The following SCUBE2 variants were observed in gnomAD, a reference collection of about 807,000 sequenced individuals.
SCUBE2 encodes the protein signal peptide, CUB domain and EGF like domain containing 2.
SCUBE2 carries 114 observed loss-of-function variants against 125.9 expected under a neutral mutation model. The observed-to-expected ratio is 0.91, with a 90% confidence interval of 0.78 to 1.06. The LOEUF (loss-of-function observed/expected upper bound fraction) is 1.06. Among genes scored for constraint, SCUBE2 ranks in the 50% least tolerant of loss-of-function variants. The pLI is 0.00. For synonymous variants in SCUBE2, 459 were observed against 492.9 expected (o/e 0.93, Z 0.91); for missense variants, 1,255 against 1,301.8 (o/e 0.96, Z 0.55).
intron 9 of SCUBE2, among the ~76,000 whole-genome samples, chr11:9,058,510 C>T (rs552759372): frequency 2.1e-5 from 3 of 141,146 alleles, no homozygotes; most frequent in Non-Finnish European, 4.5e-5. Context: ...GCAGGAGAAT[C>T]GCTTGAACCT....
At chr11:9,054,723 A>T (rs11042164) in intron 10 of SCUBE2, among the ~76,000 whole-genome samples, 1,294 of 38,626 alleles carry the variant, frequency 0.034, 52 homozygotes, top group East Asian at 0.039. Context: ...ATATATATAT[A>T]TATTTTTTTT....
intron 13 of SCUBE2, among the ~76,000 whole-genome samples, chr11:9,051,023 C>T (rs1405526698): frequency 6.6e-6 from 1 of 152,124 alleles, no homozygotes; most frequent in Non-Finnish European, 1.5e-5. Context: ...ATTAGCCGGG[C>T]ATGGTGGCAC....
In SCUBE2 at chr11:9,020,993, G is replaced by GTCCCACCAACCCTA; in HGVS notation, c.*38_*51dup. 6.4e-7 allele frequency: 1 copy of GTCCCACCAACCCTA among 1,551,192 alleles called. No individual in the cohort carries two copies. Among genetic ancestry groups the GTCCCACCAACCCTA allele is most frequent in the Non-Finnish European group, 8.8e-7 (1 of 1,140,982 alleles). On this transcript the variant is annotated 3_prime_UTR_variant, in exon 23 of 23. Coordinates refer to ENST00000649792, the MANE Select transcript of SCUBE2 (RefSeq NM_001367977.2). ...TGACATGCAGAAGGAAGACAGCTCT[G>GTCCCACCAACCCTA]TCCCACCAACCCTATAGCAGAACAT...
chr11:9,057,479 A>G lies in SCUBE2; in HGVS notation c.1091-1570T>C, dbSNP rs1163289847. 5.9e-5 allele frequency: 9 copies of G among 152,190 alleles called. No individual in the cohort carries two copies. The South Asian group carries it at 1.9e-3, about 32-fold the overall frequency. 9.4% of individuals were successfully genotyped at this position (152,190 alleles called of 1,614,324 possible). On this transcript the variant is annotated intron_variant, in intron 9 of 22. Transcript: ENST00000649792. ...AGGTAATGCTACATCTTTGTTATCT[A>G]AGATGAAATCTGATACTCTGATTTT...
At chr11:9,034,337 G>A in intron 16 of SCUBE2, among the ~76,000 whole-genome samples, 1 of 152,176 alleles carries the variant, frequency 6.6e-6, no homozygotes, top group East Asian at 1.9e-4. Context: ...TAAATCAGGA[G>A]GAGAGGAAAG....
At chr11:9,072,395 A>C (rs541352367) in intron 4 of SCUBE2, among the ~76,000 whole-genome samples, 2 of 152,214 alleles carry the variant, frequency 1.3e-5, no homozygotes, top group South Asian at 2.1e-4. Flanking sequence ...TTTTTAGTAG[A>C]GATGGGGTTT....
At chr11:9,060,380 C>A in intron 8 of SCUBE2, 28 bp downstream of exon 8, 2 of 1,568,858 alleles carry the variant, frequency 1.3e-6, no homozygotes, top group Middle Eastern at 1.7e-4. Context: ...AACAGGGCAC[C>A]CAGTCTCCCT....
chr11:9,035,328 G>A (rs1221653453), intron 16 of SCUBE2, among the ~76,000 whole-genome samples: 1 of 152,148 alleles, frequency 6.6e-6, no homozygotes, highest in African/African-American at 2.4e-5. Flanking sequence ...ACTTAGAGAG[G>A]TTAATAATTT....
chr11:9,027,292 T>C (rs1380643813), intron 20 of SCUBE2, 72 bp downstream of exon 20: 3 of 1,464,958 alleles, frequency 2.0e-6, no homozygotes, highest in African/African-American at 1.4e-5. Flanking sequence ...CCTCCTCACA[T>C]TGAAAGCCTG....
At chr11:9,023,059 T>TA (rs1322909084) in intron 21 of SCUBE2, among the ~76,000 whole-genome samples, 2 of 152,236 alleles carry the variant, frequency 1.3e-5, no homozygotes, top group African/African-American at 4.8e-5. Context: ...GTGCATGCTG[T>TA]ACTTCTCCAA....
chr11:9,067,357 G>A (rs1361829866), intron 5 of SCUBE2, among the ~76,000 whole-genome samples: 4 of 152,176 alleles, frequency 2.6e-5, no homozygotes, highest in Non-Finnish European at 5.9e-5. Flanking sequence ...ATATATGAAT[G>A]TATTGATGAT....
At chr11:9,038,124 G>GAA (rs1352669343) in intron 16 of SCUBE2, among the ~76,000 whole-genome samples, 2 of 151,778 alleles carry the variant, frequency 1.3e-5, no homozygotes, top group Admixed American at 6.6e-5. Flanking sequence ...CAGCAGAGAA[G>GAA]AGACATGACC....
chr11:9,073,919 G>A (rs1217467613), intron 4 of SCUBE2, among the ~76,000 whole-genome samples: 1 of 152,206 alleles, frequency 6.6e-6, no homozygotes, highest in Non-Finnish European at 1.5e-5. Context: ...AATTTACAGA[G>A]GAATGATAAA....
intron 16 of SCUBE2, among the ~76,000 whole-genome samples, chr11:9,042,023 G>A (rs1883099): frequency 0.38 from 57,877 of 151,966 alleles, 12,982 homozygotes; most frequent in East Asian, 0.55. Flanking sequence ...GTCTGAGCCT[G>A]TGTGGACAGA....
chr11:9,056,814 A>G (rs187806617), intron 9 of SCUBE2, among the ~76,000 whole-genome samples: 42 of 152,314 alleles, frequency 2.8e-4, no homozygotes, highest in Admixed American at 2.5e-3. Flanking sequence ...CCAGTGCCGC[A>G]CTCAGTCGAA....
chr11:9,057,011 T>G (rs1400470555), intron 9 of SCUBE2, among the ~76,000 whole-genome samples: 1 of 152,232 alleles, frequency 6.6e-6, no homozygotes, highest in Non-Finnish European at 1.5e-5. Context: ...TCAGTAAATT[T>G]GTTCTGTGCA....
intron 13 of SCUBE2, among the ~76,000 whole-genome samples, chr11:9,051,249 T>G (rs556330922): frequency 2.8e-5 from 4 of 142,544 alleles, no homozygotes; most frequent in African/African-American, 9.9e-5. Flanking sequence ...TATCTATCTA[T>G]CTATCTATCT....
chr11:9,082,987 TA>T (rs905703706), intron 2 of SCUBE2, among the ~76,000 whole-genome samples: 19 of 110,752 alleles, frequency 1.7e-4, no homozygotes, highest in Admixed American at 1.6e-3. Context: ...GTAAAGTTGT[TA>T]AAAAGTTGCA....
intron 9 of SCUBE2, 40 bp from the exon 10 acceptor site, chr11:9,055,949 T>C (rs1231118368): frequency 1.4e-6 from 2 of 1,469,140 alleles, no homozygotes. Flanking sequence ...AAACCCACTC[T>C]GAGGGATGAG....
Sources: gnomAD v4.1 joint callset for allele counts (sites outside exome capture counted in the v4.1 genomes callset) on GRCh38, gnomAD v4.1.1 for gene constraint, MANE v1.5 for transcripts, NCBI Gene and HGNC (gene_info 2026-07-23, HGNC 2026-07-21) for gene names.